Variants in TANGO6 observed in about 807,000 individuals in gnomAD.
TANGO6 encodes transport and golgi organization 6 homolog.
In TANGO6, 90 loss-of-function variants were observed where a neutral mutation model predicts 114.2. The observed-to-expected ratio is 0.79, with a 90% CI of 0.66 to 0.94. The LOEUF (loss-of-function observed/expected upper bound fraction) is 0.94. Among genes scored for constraint, TANGO6 ranks in the 40% least tolerant of loss-of-function variants. The probability of loss-of-function intolerance (pLI) is 0.00; values close to 1 mark genes in which losing one functional copy is unlikely to be tolerated. For synonymous variants in TANGO6, 477 were observed against 509.8 expected (o/e 0.94, Z 0.87); for missense variants, 1,274 against 1,315.3 (o/e 0.97, Z 0.49).
Position 68,902,482 on chromosome 16 carries a change from A to T in TANGO6, c.1645A>T (p.Ile549Phe), listed in dbSNP as rs1962798785. ...FRVATQGGIMITIKEAISDED... is the reference protein window; with the variant it reads ...FRVATQGGIMFTIKEAISDED... ...AGTTGCCACTCAAGGTGGCATTATG[A>T]TTACCATCAAAGAGGCCATTAGGTG... Residue 549 changes from isoleucine to phenylalanine, a missense_variant, in exon 9 of 18, where the codon ATT becomes TTT. Ile to Phe is a conservative substitution (Grantham distance 21). Coordinates refer to ENST00000261778, the MANE Select transcript of TANGO6 (RefSeq NM_024562.2). 6.2e-7 allele frequency: 1 copy of T among 1,612,470 alleles called. No homozygotes were observed.
At chr16:69,072,026 C>CGTGTGTGTGTGTGTGTGTGTGTGT (rs58310609) in intron 17 of TANGO6, among the ~76,000 whole-genome samples, 6 of 93,016 alleles carry the variant, frequency 6.5e-5, no homozygotes, top group African/African-American at 2.4e-4. Context: ...AGAGGGAGAC[C>CGTGTGTGTGTGTGTGTGTGTGTGT]GTGTGTGTGT....
At chr16:68,965,905 T>C (rs1963640528) in intron 14 of TANGO6, among the ~76,000 whole-genome samples, 1 of 152,078 alleles carries the variant, frequency 6.6e-6, no homozygotes, top group South Asian at 2.1e-4. Context: ...TTTTGAGATA[T>C]AAGTCACATA....
chr16:69,020,789 C>G lies in TANGO6; in HGVS notation c.2843-2039C>G, dbSNP rs1343852154. Among the ~76,000 whole-genome samples the G allele has an allele frequency of 2.6e-5, 4 of 152,116 alleles. No homozygotes were observed. The South Asian group carries it at 8.3e-4, about 32-fold the overall frequency. Reference sequence around the variant, plus strand: ...GCATACACCTGTCTTCCCAGCTACTCTGGAGGCTGAGGTGAGAGGATCACT... The same window carrying G: ...GCATACACCTGTCTTCCCAGCTACTGTGGAGGCTGAGGTGAGAGGATCACT... On this transcript the variant is annotated intron_variant, in intron 15 of 17. Coordinates refer to ENST00000261778, the MANE Select transcript of TANGO6 (RefSeq NM_024562.2).
intron 16 of TANGO6, among the ~76,000 whole-genome samples, chr16:69,027,876 G>A (rs2152230004): frequency 6.6e-6 from 1 of 152,078 alleles, no homozygotes; most frequent in African/African-American, 2.4e-5. Flanking sequence ...CGCCTCCCAG[G>A]TTCGAGCAAT....
rs534500082 is a variant in TANGO6, at chr16:68,863,730, G to A, written c.852+669G>A. Among the ~76,000 whole-genome samples the A allele has an allele frequency of 9.7e-4, 148 of 152,184 alleles. 1 individual carries two copies. Among genetic ancestry groups the A allele is most frequent in the African/African-American group, 3.5e-3 (144 of 41,528 alleles). ...AAACATTCTTTTAGCACAACTATCT[G>A]GACACTAATTCTTTGAATGGATAAT... On this transcript the variant is annotated intron_variant, in intron 3 of 17. Transcript: ENST00000261778.
At chr16:69,028,053 G>A (rs944921179) in intron 16 of TANGO6, among the ~76,000 whole-genome samples, 6 of 151,860 alleles carry the variant, frequency 4.0e-5, no homozygotes, top group Admixed American at 1.3e-4. Context: ...TCCACCTGCC[G>A]GGTTCAAGTG....
At chr16:68,920,741 G>A (rs1963078819) in intron 12 of TANGO6, among the ~76,000 whole-genome samples, 1 of 152,034 alleles carries the variant, frequency 6.6e-6, no homozygotes, top group Non-Finnish European at 1.5e-5. Context: ...CCTGTTATTA[G>A]TGTGAAGCCC....
chr16:68,949,918 C>A (rs571026552), intron 14 of TANGO6, among the ~76,000 whole-genome samples: 4 of 152,064 alleles, frequency 2.6e-5, no homozygotes, highest in African/African-American at 9.6e-5. Flanking sequence ...TGAATGGATT[C>A]ATAACATCTG....
intron 17 of TANGO6, among the ~76,000 whole-genome samples, chr16:69,066,710 C>T (rs1382068944): frequency 1.3e-5 from 2 of 152,144 alleles, no homozygotes; most frequent in East Asian, 1.9e-4. Context: ...AATACTCTCA[C>T]ATACATTATC....
intron 12 of TANGO6, among the ~76,000 whole-genome samples, chr16:68,926,197 A>G (rs1316690682): frequency 6.6e-6 from 1 of 152,160 alleles, no homozygotes; most frequent in African/African-American, 2.4e-5. Context: ...TAGTATAATT[A>G]TTTGAAAATG....
chr16:68,876,195 C>T (rs1253628181), intron 5 of TANGO6, among the ~76,000 whole-genome samples: 1 of 150,172 alleles, frequency 6.7e-6, no homozygotes, highest in Non-Finnish European at 1.5e-5. Flanking sequence ...GAGTTTTGCT[C>T]TTGTTGCCCA....
intron 17 of TANGO6, among the ~76,000 whole-genome samples, chr16:69,042,893 G>A (rs754673299): frequency 1.3e-5 from 2 of 152,146 alleles, no homozygotes; most frequent in Non-Finnish European, 2.9e-5. Context: ...CAACTTTTGT[G>A]TAAATCTAAA....
rs749481696 is a variant in TANGO6, at chr16:68,919,171, G to A, written c.2079G>A (p.Leu693=). The A allele has an allele frequency of 6.2e-7, 1 of 1,612,864 alleles. No individual in the cohort carries two copies. Among genetic ancestry groups the A allele is most frequent in the East Asian group, 2.2e-5 (1 of 44,874 alleles). Residue 693 remains leucine, a synonymous_variant, in exon 12 of 18, where the codon CTG becomes CTA. Transcript: ENST00000261778. ...AGAGCACCGTGGAATCACAGACGCT[G>A]AGCATGTCCATGGGGCTGGTGGCTG... The part of the protein sequence containing the change: ...QAESTVESQT[L]SMSMGLVAVM...
intron 14 of TANGO6, among the ~76,000 whole-genome samples, chr16:68,932,031 T>G (rs1963247926): frequency 6.6e-6 from 1 of 151,714 alleles, no homozygotes; most frequent in African/African-American, 2.4e-5. Context: ...TTTAAATGGG[T>G]GAGTTGTATG....
intron 14 of TANGO6, among the ~76,000 whole-genome samples, chr16:68,943,026 G>A (rs1037940264): frequency 5.4e-5 from 8 of 149,444 alleles, no homozygotes; most frequent in African/African-American, 1.7e-4. Context: ...TTAGACTCCC[G>A]AGTAGCTGGG....
intron 14 of TANGO6, among the ~76,000 whole-genome samples, chr16:68,964,638 C>T (rs1963627395): frequency 6.7e-6 from 1 of 148,174 alleles, no homozygotes; most frequent in African/African-American, 2.5e-5. Flanking sequence ...GCGATCTTGG[C>T]TCACTGCAAC....
intron 17 of TANGO6, among the ~76,000 whole-genome samples, chr16:69,050,491 A>ATTTT (rs1257183183): frequency 5.7e-5 from 8 of 140,492 alleles, no homozygotes; most frequent in Non-Finnish European, 1.1e-4. Flanking sequence ...TGCCCAGCTA[A>ATTTT]TTTTTTTTTT....
intron 1 of TANGO6, among the ~76,000 whole-genome samples, chr16:68,849,248 T>C (rs892936276): frequency 6.6e-6 from 1 of 152,168 alleles, no homozygotes; most frequent in African/African-American, 2.4e-5. Context: ...GCAGGAGAAC[T>C]GCTTGAGCCC....
chr16:69,080,264 A>T (rs1960445418), intron 17 of TANGO6, among the ~76,000 whole-genome samples: 1 of 152,206 alleles, frequency 6.6e-6, no homozygotes, highest in South Asian at 2.1e-4. Flanking sequence ...AGAGCGTAGA[A>T]TATAATTTTG....
Sources: gnomAD v4.1 joint callset for allele counts (sites outside exome capture counted in the v4.1 genomes callset) on GRCh38, gnomAD v4.1.1 for gene constraint, MANE v1.5 for transcripts, NCBI Gene and HGNC (gene_info 2026-07-23, HGNC 2026-07-21) for gene names.